SLCO5A1: variants seen among roughly 807,000 people sequenced by gnomAD.
SLCO5A1 encodes organic anion transporter polypeptide-related protein 4.
Under a neutral mutation model 65.1 loss-of-function variants are expected in SLCO5A1, and 39 were observed. The observed-to-expected ratio is 0.60, with a 90% CI of 0.46 to 0.78. The LOEUF (loss-of-function observed/expected upper bound fraction) is 0.78. Ranked by LOEUF, SLCO5A1 falls within the 30% of genes least tolerant of loss-of-function variation. The probability of loss-of-function intolerance (pLI) is 0.00; values close to 1 mark genes in which losing one functional copy is unlikely to be tolerated. For missense variants in SLCO5A1, 1,029 were observed against 1,069.4 expected, an observed-to-expected ratio of 0.96 and a Z score of 0.53; for synonymous variants, 438 against 415.7, an observed-to-expected ratio of 1.05 and a Z score of -0.65.
chr8:69,743,276 T>C (rs1816877895), intron 4 of SLCO5A1, among the ~76,000 whole-genome samples: 1 of 152,208 alleles, frequency 6.6e-6, no homozygotes, highest in Non-Finnish European at 1.5e-5. Context: ...GGTTCCAGCA[T>C]GTGTGAATAT....
At chr8:69,717,390 C>G (rs895981077) in intron 5 of SLCO5A1, among the ~76,000 whole-genome samples, 1 of 152,128 alleles carries the variant, frequency 6.6e-6, no homozygotes, top group Non-Finnish European at 1.5e-5. Context: ...GCACTCTTGT[C>G]AAAAATCAGT....
At position 69,743,047 on chromosome 8, in the gene SLCO5A1, G is replaced by A. The variant is rs551008632; in HGVS notation, c.1259-4843C>T. Among the ~76,000 whole-genome samples the A allele has an allele frequency of 9.5e-4, 145 of 152,064 alleles. 1 individual carries two copies. Among genetic ancestry groups the A allele is most frequent in the African/African-American group, 3.4e-3 (140 of 41,516 alleles). ...GATCTCCTGACCTTGTGATCTGCCC[G>A]CCTCGGCCTCCCAAAGTGCTGGGAT... On this transcript the variant is annotated intron_variant, in intron 4 of 9. Coordinates refer to ENST00000260126, the MANE Select transcript of SLCO5A1 (RefSeq NM_030958.3).
At chr8:69,771,907 A>G (rs1818335670) in intron 2 of SLCO5A1, among the ~76,000 whole-genome samples, 1 of 152,202 alleles carries the variant, frequency 6.6e-6, no homozygotes, top group Non-Finnish European at 1.5e-5. Flanking sequence ...TGACACTAAG[A>G]CGAGCCAGAG....
Position 69,673,145 on chromosome 8 carries a change from C to G in SLCO5A1, c.2271G>C (p.Trp757Cys). Reference protein sequence around the residue: ...FVGFIFIFLAWYSIKYKEDGL... With the variant: ...FVGFIFIFLACYSIKYKEDGL... The stretch of plus-strand genomic sequence containing the variant: ...CATCCTCCTTGTATTTTATGGAGTA[C>G]CAGGCCAGAAAAATAAAAATAAACC... Residue 757 changes from tryptophan to cysteine, a missense_variant, in exon 10 of 10, where the codon TGG becomes TGC. Physicochemically the swap from Trp to Cys is radical, Grantham distance 215. Transcript: ENST00000260126. 3 of 1,614,198 alleles carry G rather than the reference C, an allele frequency of 1.9e-6. No homozygotes were observed. The highest frequency in any genetic ancestry group is 1.7e-6 in the Non-Finnish European group (2 of 1,180,040).
chr8:69,777,071 A>T lies in SLCO5A1; in HGVS notation c.908-15196T>A, dbSNP rs115848653. On this transcript the variant is annotated intron_variant, in intron 2 of 9. Transcript: ENST00000260126. ...CATTCCACACCCAGGTATGATCACA[A>T]AAGAAATAAAAACATATGTCCATAC... is the stretch of plus-strand genomic sequence containing the variant. Among the ~76,000 whole-genome samples the T allele has an allele frequency of 2.9e-3, 447 of 152,346 alleles. 3 individuals are homozygous for T. Among genetic ancestry groups the T allele is most frequent in the African/African-American group, 0.01 (421 of 41,572 alleles).
chr8:69,712,452 TA>T (rs1476237757), intron 5 of SLCO5A1, among the ~76,000 whole-genome samples: 1 of 152,218 alleles, frequency 6.6e-6, no homozygotes, highest in Admixed American at 6.5e-5. Flanking sequence ...TGCCAATTTG[TA>T]TTGTAAATAG....
chr8:69,738,297 C>A, intron 4 of SLCO5A1, 93 bp from the exon 5 acceptor site: 2 of 1,208,536 alleles, frequency 1.7e-6, no homozygotes, highest in Non-Finnish European at 2.2e-6. Flanking sequence ...CTGGAAATAG[C>A]CATTCAGCAA....
intron 2 of SLCO5A1, among the ~76,000 whole-genome samples, chr8:69,775,567 T>C (rs1818522488): frequency 6.6e-6 from 1 of 152,194 alleles, no homozygotes; most frequent in South Asian, 2.1e-4. Flanking sequence ...ATGTAAAATA[T>C]TAGGCCAAAT....
chr8:69,798,616 C>A (rs1819603537), intron 2 of SLCO5A1, among the ~76,000 whole-genome samples: 1 of 152,132 alleles, frequency 6.6e-6, no homozygotes, highest in South Asian at 2.1e-4. Flanking sequence ...GAGTGACCAC[C>A]CCCATGATTT....
Position 69,672,703 on chromosome 8 carries a change from G to A in SLCO5A1, c.*166C>T, listed in dbSNP as rs1439392556. 1.5e-6 allele frequency: 1 copy of A among 688,828 alleles called. No homozygotes were observed. 42.7% of individuals were successfully genotyped at this position (688,828 alleles called of 1,614,324 possible). On this transcript the variant is annotated 3_prime_UTR_variant, in exon 10 of 10. Transcript: ENST00000260126. Reference sequence around the variant, plus strand: ...GGGAAAGGCTCTCAGTCTTGTTGAGGTATCCAGCCCTCAATGAATAGCGGC... The same window carrying A: ...GGGAAAGGCTCTCAGTCTTGTTGAGATATCCAGCCCTCAATGAATAGCGGC...
chr8:69,686,460 T>A (rs1814006809), intron 6 of SLCO5A1, among the ~76,000 whole-genome samples: 1 of 152,168 alleles, frequency 6.6e-6, no homozygotes, highest in African/African-American at 2.4e-5. Flanking sequence ...ATCGTCATAA[T>A]CATCATTATC....
At chr8:69,714,164 C>A (rs1815406223) in intron 5 of SLCO5A1, among the ~76,000 whole-genome samples, 1 of 152,112 alleles carries the variant, frequency 6.6e-6, no homozygotes, top group South Asian at 2.1e-4. Flanking sequence ...TTCAGCAATC[C>A]CTTCATAAAC....
chr8:69,808,566 C>T (rs2130909348), intron 2 of SLCO5A1, among the ~76,000 whole-genome samples: 1 of 152,252 alleles, frequency 6.6e-6, no homozygotes. Context: ...TCCAGTCTAT[C>T]ATTGATGGAC....
chr8:69,696,226 T>C (rs959988678), intron 6 of SLCO5A1, among the ~76,000 whole-genome samples: 1 of 152,146 alleles, frequency 6.6e-6, no homozygotes, highest in South Asian at 2.1e-4. Context: ...TCCGTTCCCT[T>C]CTGAGAACAC....
At chr8:69,746,436 G>A (rs768578071) in intron 4 of SLCO5A1, among the ~76,000 whole-genome samples, 2 of 152,070 alleles carry the variant, frequency 1.3e-5, no homozygotes, top group Non-Finnish European at 2.9e-5. Context: ...GTCAAACAAG[G>A]CATAAAATTC....
intron 8 of SLCO5A1, among the ~76,000 whole-genome samples, chr8:69,678,800 G>GA (rs10648194): frequency 0.013 from 1,863 of 139,624 alleles, 36 homozygotes; most frequent in South Asian, 0.075. Context: ...CTGAAAAACT[G>GA]AAAAAAAAAA....
chr8:69,808,281 C>T (rs1187968011), intron 2 of SLCO5A1, among the ~76,000 whole-genome samples: 1 of 151,738 alleles, frequency 6.6e-6, no homozygotes, highest in Non-Finnish European at 1.5e-5. Context: ...AGGTATTAAG[C>T]CTAGTATCCA....
At chr8:69,807,364 A>C (rs1820038241) in intron 2 of SLCO5A1, among the ~76,000 whole-genome samples, 2 of 152,220 alleles carry the variant, frequency 1.3e-5, no homozygotes, top group Non-Finnish European at 2.9e-5. Context: ...AGACATTTAA[A>C]ATCCTTTCTT....
In SLCO5A1 at chr8:69,813,004, C is replaced by A. The variant is rs1329872650; in HGVS notation, c.907+18763G>T. Among the ~76,000 whole-genome samples the A allele has an allele frequency of 8.5e-5, 13 of 152,198 alleles. No homozygotes were observed. In the East Asian group the frequency reaches 2.5e-3, roughly 29 times the overall value. ...TTCCCTTTCCAGCTGAAATAAAACA[C>A]CAGAGACATAAGCAAATTTCTAGAC... On this transcript the variant is annotated intron_variant, in intron 2 of 9. Transcript: ENST00000260126.
Sources: gnomAD v4.1 joint callset for allele counts (sites outside exome capture counted in the v4.1 genomes callset) on GRCh38, gnomAD v4.1.1 for gene constraint, MANE v1.5 for transcripts, NCBI Gene and HGNC (gene_info 2026-07-23, HGNC 2026-07-21) for gene names.